The following CTNNA3 variants were observed in gnomAD, a reference collection of about 807,000 sequenced individuals.
CTNNA3 encodes the protein catenin alpha 3.
CTNNA3 carries 76 observed loss-of-function variants against 95.7 expected under a neutral mutation model. That is an observed-to-expected ratio of 0.79 (90% CI 0.66 to 0.96). The LOEUF is 0.96. CTNNA3 is among the 40% of genes least tolerant of loss of function. The pLI is 0.00. For synonymous variants in CTNNA3, 431 were observed against 374.4 expected, an observed-to-expected ratio of 1.15 and a Z score of -1.74; for missense variants, 1,191 against 1,089.8, an observed-to-expected ratio of 1.09 and a Z score of -1.31.
At position 66,766,308 on chromosome 10, in the gene CTNNA3, CTTT is replaced by C; in HGVS notation, c.1234_1236del (p.Lys412del). The C allele has an allele frequency of 6.2e-7, 1 of 1,613,912 alleles. No homozygotes were observed. The highest frequency in any genetic ancestry group is 8.5e-7 in the Non-Finnish European group (1 of 1,179,896). ...TGTTCATGAAATATCGCAGCATATT[CTTT>C]TATTTCCTTTTCCCGGCCATTCTTA... On this transcript the variant is annotated inframe_deletion, in exon 9 of 18. Coordinates refer to ENST00000433211, the MANE Select transcript of CTNNA3 (RefSeq NM_013266.4).
At chr10:66,125,743 C>CA (rs2082794401) in intron 13 of CTNNA3, among the ~76,000 whole-genome samples, 1 of 152,080 alleles carries the variant, frequency 6.6e-6, no homozygotes, top group Non-Finnish European at 1.5e-5. Context: ...GAAAGAATCC[C>CA]ACCTGAAAAG....
intron 7 of CTNNA3, among the ~76,000 whole-genome samples, chr10:67,111,652 G>A (rs1858914077): frequency 6.6e-6 from 1 of 151,836 alleles, no homozygotes; most frequent in Non-Finnish European, 1.5e-5. Context: ...CTATTGAAGT[G>A]TATTCCATAT....
At chr10:66,469,684 G>C (rs1802415692) in intron 11 of CTNNA3, among the ~76,000 whole-genome samples, 1 of 151,752 alleles carries the variant, frequency 6.6e-6, no homozygotes, top group South Asian at 2.1e-4. Context: ...AATGGATGTA[G>C]GTGCACCAGT....
chr10:67,480,748 C>T (rs187149924), intron 5 of CTNNA3, among the ~76,000 whole-genome samples: 44 of 152,274 alleles, frequency 2.9e-4, no homozygotes, highest in African/African-American at 8.7e-4. Flanking sequence ...AGGCTCTCAG[C>T]TCTGAAGGCT....
intron 12 of CTNNA3, among the ~76,000 whole-genome samples, chr10:66,302,973 T>C (rs1177494900): frequency 1.3e-5 from 2 of 152,196 alleles, no homozygotes; most frequent in Non-Finnish European, 2.9e-5. Flanking sequence ...GGAAATTAGA[T>C]ATAAGCTTCT....
intron 7 of CTNNA3, among the ~76,000 whole-genome samples, chr10:67,025,078 G>A (rs915399152): frequency 1.5e-4 from 21 of 144,388 alleles, no homozygotes; most frequent in African/African-American, 4.4e-4. Flanking sequence ...GCGGTGAGCC[G>A]AGATCATGCC....
Position 66,270,620 on chromosome 10 carries a change from A to G in CTNNA3, c.1884+9850T>C, listed in dbSNP as rs187812937. On this transcript the variant is annotated intron_variant, in intron 13 of 17. Coordinates refer to ENST00000433211, the MANE Select transcript of CTNNA3 (RefSeq NM_013266.4). ...AATATGTAATACGTCAATCATCATGACAAACGCTACGCAAGCATAAAATTG... is the reference window on the plus strand; with the variant it reads ...AATATGTAATACGTCAATCATCATGGCAAACGCTACGCAAGCATAAAATTG... 6.6e-5 allele frequency among the ~76,000 whole-genome samples: 10 copies of G among 152,334 alleles called. No individual in the cohort carries two copies. In the East Asian group the frequency reaches 1.7e-3, roughly 26 times the overall value.
intron 1 of CTNNA3, among the ~76,000 whole-genome samples, chr10:67,650,436 G>A (rs1194875919): frequency 6.6e-6 from 1 of 152,142 alleles, no homozygotes; most frequent in Non-Finnish European, 1.5e-5. Context: ...ATTAAAGGAA[G>A]GAGAACAAAT....
chr10:67,622,150 G>A (rs1242456194), intron 2 of CTNNA3, among the ~76,000 whole-genome samples: 1 of 152,152 alleles, frequency 6.6e-6, no homozygotes, highest in Admixed American at 6.5e-5. Context: ...CAGTGAAAAT[G>A]ACGACATCTG....
At chr10:66,360,643 C>CCTTCCTTCCT (rs1554944372) in intron 12 of CTNNA3, among the ~76,000 whole-genome samples, 4 of 61,790 alleles carry the variant, frequency 6.5e-5, no homozygotes, top group Non-Finnish European at 3.2e-5. Context: ...TTCTTTCTTT[C>CCTTCCTTCCT]TTTCTTTCTT....
At chr10:66,281,215 A>T (rs1292130791) in intron 12 of CTNNA3, among the ~76,000 whole-genome samples, 2 of 151,956 alleles carry the variant, frequency 1.3e-5, no homozygotes, top group Non-Finnish European at 2.9e-5. Context: ...CTTTAAAATA[A>T]CAAAACACTG....
intron 6 of CTNNA3, among the ~76,000 whole-genome samples, chr10:67,208,491 A>G (rs1397058738): frequency 1.3e-5 from 2 of 152,194 alleles, no homozygotes; most frequent in African/African-American, 4.8e-5. Context: ...CGGAATGAAA[A>G]TAGCTAACAT....
chr10:66,949,471 T>C (rs1451579291), intron 7 of CTNNA3, among the ~76,000 whole-genome samples: 1 of 151,952 alleles, frequency 6.6e-6, no homozygotes, highest in African/African-American at 2.4e-5. Flanking sequence ...GGCAGGAGAA[T>C]TGCTTGAACC....
Position 66,379,305 on chromosome 10 carries a change from C to T in CTNNA3, c.1579G>A (p.Asp527Asn), listed in dbSNP as rs1432962825. The T allele has an allele frequency of 6.2e-7, 1 of 1,614,106 alleles. No individual in the cohort carries two copies. Among genetic ancestry groups the T allele is most frequent in the Admixed American group, 1.7e-5 (1 of 60,018 alleles). The change falls in exon 12 of 18, where the codon GAC (aspartate) becomes AAC (asparagine). Residue 527 changes from aspartate (D) to asparagine (N), a missense_variant. Physicochemically the swap from Asp to Asn is conservative, Grantham distance 23. Coordinates refer to ENST00000433211, the MANE Select transcript of CTNNA3 (RefSeq NM_013266.4). The stretch of plus-strand genomic sequence containing the variant: ...CGGTCTAAATTATCAGCATCCTGGT[C>T]TCTTAAGGCTATGATACACTTGTTG... The part of the protein sequence containing the change: ...DVNKCIIALR[D>N]QDADNLDRAA...
At chr10:67,334,031 A>C in intron 5 of CTNNA3, 1 of 152,334 alleles carries the variant, frequency 6.6e-6, no homozygotes, top group African/African-American at 2.4e-5. Flanking sequence ...CTTTAGTTAC[A>C]GTCTATAAAG....
chr10:67,481,436 G>C (rs753946372), intron 5 of CTNNA3, among the ~76,000 whole-genome samples: 3 of 152,066 alleles, frequency 2.0e-5, no homozygotes, highest in East Asian at 3.9e-4. Context: ...AAAGTGTCAG[G>C]ATACAAAATC....
At chr10:66,830,015 T>TC (rs71035187) in intron 7 of CTNNA3, among the ~76,000 whole-genome samples, 22,148 of 151,848 alleles carry the variant, frequency 0.15, 2,776 homozygotes, top group African/African-American at 0.35. Flanking sequence ...ACAGGCGCCC[T>TC]CCCACAGGGG....
chr10:67,180,562 T>C (rs749690951), intron 6 of CTNNA3, 42 bp from the exon 7 acceptor site: 5 of 1,480,460 alleles, frequency 3.4e-6, no homozygotes, highest in Non-Finnish European at 4.7e-6. Context: ...CTCCATGGCA[T>C]TTCACTTTTA....
At chr10:66,296,938 C>G (rs1430491083) in intron 12 of CTNNA3, among the ~76,000 whole-genome samples, 1 of 152,080 alleles carries the variant, frequency 6.6e-6, no homozygotes, top group East Asian at 1.9e-4. Context: ...TATTTTTGCC[C>G]CACTGAAAAT....
Sources: gnomAD v4.1 joint callset for allele counts (sites outside exome capture counted in the v4.1 genomes callset) on GRCh38, gnomAD v4.1.1 for gene constraint, MANE v1.5 for transcripts, NCBI Gene and HGNC (gene_info 2026-07-23, HGNC 2026-07-21) for gene names.